Variants in DNAH12 observed in about 807,000 individuals in gnomAD.
DNAH12 encodes the protein dynein axonemal heavy chain 12.
In DNAH12, 285 loss-of-function variants were observed where a neutral mutation model predicts 371.5. The observed-to-expected ratio is 0.77, with a 90% CI of 0.70 to 0.85. The LOEUF is 0.85. DNAH12 is among the 40% of genes least tolerant of loss of function. DNAH12 has a pLI of 0.00. For missense variants in DNAH12, 3,611 were observed against 3,689.4 expected (o/e 0.98, Z 0.55); for synonymous variants, 1,200 against 1,213.0 (o/e 0.99, Z 0.22).
chr3:57,450,718 A>G (rs2065732756), intron 25 of DNAH12, among the ~76,000 whole-genome samples: 1 of 152,204 alleles, frequency 6.6e-6, no homozygotes, highest in Admixed American at 6.5e-5. Context: ...TCAGCACTAG[A>G]GTAGAGAACA....
chr3:57,368,414 G>A (rs2153334357), intron 55 of DNAH12, among the ~76,000 whole-genome samples, 154 bp from the exon 56 acceptor site: 1 of 151,908 alleles, frequency 6.6e-6, no homozygotes, highest in Non-Finnish European at 1.5e-5. Flanking sequence ...AGAAAAAAAT[G>A]AAAAGGAGTT....
chr3:57,380,582 A>G (rs1171837206), intron 50 of DNAH12, among the ~76,000 whole-genome samples: 2 of 152,122 alleles, frequency 1.3e-5, no homozygotes, highest in Middle Eastern at 3.2e-3. Context: ...CTCCCACTTC[A>G]GCCTCCCGAG....
chr3:57,543,982 G>A (rs1353744458), intron 1 of DNAH12, among the ~76,000 whole-genome samples: 3 of 152,166 alleles, frequency 2.0e-5, no homozygotes, highest in Non-Finnish European at 2.9e-5. Context: ...GGGAGGCAGA[G>A]GTTGCAGTGA....
intron 12 of DNAH12, 101 bp from the exon 13 acceptor site, chr3:57,483,612 ATCCT>A: frequency 7.9e-7 from 1 of 1,262,740 alleles, no homozygotes; most frequent in Admixed American, 3.6e-5. Flanking sequence ...GAACTATGAT[ATCCT>A]AAAAAAATTG....
chr3:57,555,125 T>C, the DNAH12 span, among the ~76,000 whole-genome samples: 1 of 151,932 alleles, frequency 6.6e-6, no homozygotes, highest in African/African-American at 2.4e-5. Context: ...GTGCCTGTAG[T>C]CCCAGCTACT....
At chr3:57,428,089 C>T (rs758835099) in intron 34 of DNAH12, among the ~76,000 whole-genome samples, 5 of 151,922 alleles carry the variant, frequency 3.3e-5, no homozygotes, top group East Asian at 1.9e-4. Flanking sequence ...CCACCATGCC[C>T]GGCTAATTTT....
At chr3:57,509,107 G>T in intron 6 of DNAH12, 33 bp downstream of exon 6, 1 of 1,555,758 alleles carries the variant, frequency 6.4e-7, no homozygotes, top group Non-Finnish European at 8.8e-7. Context: ...TCAAAAATTG[G>T]ATGAAGTACT....
Position 57,446,160 on chromosome 3 carries a change from T to C in DNAH12, c.4050A>G (p.Arg1350=). ...ACACAACCAACTTCTGTTGAATAGC[T>C]CTCTGAATGCAAAGGATCTGTTGAG... ...VVAQQILCIQ[R]AIQQKLVVFV... Residue 1350 remains arginine, a synonymous_variant, in exon 27 of 74, where the codon AGA becomes AGG. Transcript: ENST00000495027. The C allele has an allele frequency of 6.4e-7, 1 of 1,551,702 alleles. No homozygotes were observed. The highest frequency in any genetic ancestry group is 8.7e-7 in the Non-Finnish European group (1 of 1,147,002).
rs1334280692 is a variant in DNAH12 at position 57,334,867 on chromosome 3, T to C, written c.9748A>G (p.Lys3250Glu). Residue 3250 changes from lysine (K) to glutamate (E), a missense_variant, in exon 61 of 74, where the codon AAA (lysine) becomes GAA (glutamate). This residue lies in a region of DNAH12 where 2,266 missense variants were observed against 2,236.9 expected (regional missense o/e 1.01). Transcript: ENST00000495027. The stretch of plus-strand genomic sequence containing the variant: ...TGTAGCCAAGTTGGATCAGGATTTT[T>C]CTCAGCACTTTTAAGACTTACTCCT... ...TGGVSLKSAEKNPDPTWLQDK... is the reference protein window; with the variant it reads ...TGGVSLKSAEENPDPTWLQDK... 7 of 1,551,908 alleles carry C rather than the reference T, an allele frequency of 4.5e-6. No homozygotes were observed. The highest frequency in any genetic ancestry group is 5.2e-6 in the Non-Finnish European group (6 of 1,147,024).
At chr3:57,295,333 T>C (rs1344466786) in intron 73 of DNAH12, among the ~76,000 whole-genome samples, 192 bp downstream of exon 73, 1 of 152,146 alleles carries the variant, frequency 6.6e-6, no homozygotes, top group Non-Finnish European at 1.5e-5. Flanking sequence ...AGCATGGTAT[T>C]CCCAAAATAA....
At chr3:57,375,012 T>C (rs1395851979) in intron 55 of DNAH12, among the ~76,000 whole-genome samples, 1 of 152,162 alleles carries the variant, frequency 6.6e-6, no homozygotes, top group African/African-American at 2.4e-5. Context: ...TGTATATCTT[T>C]GTTAGAACTC....
At chr3:57,487,355 GAAAGAAAGAGAAAGAAAGAAAAAAAA>G (rs2066961773) in intron 12 of DNAH12, among the ~76,000 whole-genome samples, 1 of 57,700 alleles carries the variant, frequency 1.7e-5, no homozygotes, top group Non-Finnish European at 3.4e-5. Flanking sequence ...GAGAGAGAGA[GAAAGAAAGAGAAAGAAAGAAAAAAAA>G]AAAGAAAGAG....
chr3:57,305,119 C>G (rs1314207433), intron 69 of DNAH12, among the ~76,000 whole-genome samples: 1 of 152,148 alleles, frequency 6.6e-6, no homozygotes, highest in Admixed American at 6.5e-5. Context: ...TTCCATCCTA[C>G]AAGATCTAAA....
intron 43 of DNAH12, among the ~76,000 whole-genome samples, chr3:57,403,091 G>A (rs569203965): frequency 2.6e-5 from 4 of 152,170 alleles, no homozygotes; most frequent in African/African-American, 9.6e-5. Flanking sequence ...GCATTGCATT[G>A]CTGTGCCTAT....
intron 43 of DNAH12, among the ~76,000 whole-genome samples, chr3:57,395,792 A>T (rs1460979759): frequency 1.3e-5 from 2 of 152,080 alleles, no homozygotes; most frequent in East Asian, 3.9e-4. Context: ...AAAAATAAAA[A>T]AAATAAAAAT....
chr3:57,519,682 C>A lies in DNAH12; in HGVS notation c.279+3901G>T, dbSNP rs115431232. On this transcript the variant is annotated intron_variant, in intron 4 of 73. Coordinates refer to ENST00000495027, the MANE Select transcript of DNAH12 (RefSeq NM_001366028.2). ...TTCTAACCGCTCTCATTTGCCGATT[C>A]TTTGGGCCACCCAGTCCTGCTGGCA... The A allele has an allele frequency of 1.9e-3, 3,074 of 1,605,570 alleles. 61 individuals carry two copies. The African/African-American group carries it at 0.035, about 18-fold the overall frequency.
intron 65 of DNAH12, among the ~76,000 whole-genome samples, chr3:57,319,944 A>G (rs1213706610): frequency 6.6e-6 from 1 of 152,074 alleles, no homozygotes; most frequent in Admixed American, 6.5e-5. Flanking sequence ...GCATCTAGTG[A>G]GATGATCATG....
At chr3:57,392,924 T>C (rs2063655511) in intron 44 of DNAH12, among the ~76,000 whole-genome samples, 1 of 152,038 alleles carries the variant, frequency 6.6e-6, no homozygotes, top group Non-Finnish European at 1.5e-5. Context: ...ATCAGGAGAG[T>C]ACCACTAATT....
In DNAH12 at chr3:57,457,857, C is replaced by A. The variant is rs1328753370; in HGVS notation, c.3200G>T (p.Ser1067Ile). The A allele has an allele frequency of 6.4e-7, 1 of 1,551,596 alleles. No homozygotes were observed. Among genetic ancestry groups the A allele is most frequent in the Non-Finnish European group, 8.7e-7 (1 of 1,146,976 alleles). Residue 1067 changes from serine to isoleucine, a missense_variant, in exon 22 of 74, where the codon AGC becomes ATC. Physicochemically the swap from Ser to Ile is moderately radical, Grantham distance 142 (BLOSUM62 -2). Transcript: ENST00000495027. ...LPNLDIKAMY[S>I]SEGERVELIA... ...CAGCTCCACTCGCTCGCCCTCAGAG[C>A]TATACATGGCTTTAATGTCCAAATT...
Sources: gnomAD v4.1 joint callset for allele counts (sites outside exome capture counted in the v4.1 genomes callset) on GRCh38, gnomAD v4.1.1 for gene constraint, gnomAD v4.1.1 regional missense constraint, MANE v1.5 for transcripts, NCBI Gene and HGNC (gene_info 2026-07-23, HGNC 2026-07-21) for gene names.